The following DNAH12 variants were observed in gnomAD, a reference collection of about 807,000 sequenced individuals.
The protein encoded by DNAH12 is axonemal beta dynein heavy chain 12.
DNAH12 carries 285 observed loss-of-function variants against 371.5 expected under a neutral mutation model. The ratio of observed to expected loss-of-function variants is 0.77; its 90% CI spans 0.70 to 0.85. The LOEUF is 0.85. Ranked by LOEUF, DNAH12 falls within the 40% of genes least tolerant of loss-of-function variation. DNAH12 has a pLI of 0.00. For missense variants in DNAH12, 3,611 were observed against 3,689.4 expected, an observed-to-expected ratio of 0.98 and a Z score of 0.55; for synonymous variants, 1,200 against 1,213.0, an observed-to-expected ratio of 0.99 and a Z score of 0.22.
chr3:57,448,325 C>CT (rs1402970311), intron 25 of DNAH12, among the ~76,000 whole-genome samples: 1 of 152,024 alleles, frequency 6.6e-6, no homozygotes, highest in African/African-American at 2.4e-5. Flanking sequence ...TGTTACAGCT[C>CT]TTAAGGCAGC....
rs1029368107 is a variant in DNAH12 at position 57,302,367 on chromosome 3, A to G, written c.11190-428T>C. 9.2e-5 allele frequency among the ~76,000 whole-genome samples: 14 copies of G among 151,536 alleles called. No individual in the cohort carries two copies. In the East Asian group the frequency reaches 2.7e-3, roughly 29 times the overall value. On this transcript the variant is annotated intron_variant, in intron 69 of 73. Transcript: ENST00000495027. The stretch of plus-strand genomic sequence containing the variant: ...TATATTCATTTATACACTTGCAAAT[A>G]CTTTACTTGCACTTAGGCCCAACTT...
intron 6 of DNAH12, among the ~76,000 whole-genome samples, chr3:57,508,796 C>T (rs1559734838): frequency 6.6e-6 from 1 of 152,176 alleles, no homozygotes; most frequent in Non-Finnish European, 1.5e-5. Flanking sequence ...TCTGAGAGCT[C>T]TGCTAACTTC....
intron 35 of DNAH12, among the ~76,000 whole-genome samples, chr3:57,424,817 G>A (rs1470290328): frequency 6.6e-6 from 1 of 150,862 alleles, no homozygotes; most frequent in Admixed American, 6.6e-5. Context: ...AGATAGTTTT[G>A]GTTCCTTGTG....
chr3:57,362,881 C>G (rs1240820362), intron 58 of DNAH12, among the ~76,000 whole-genome samples: 2 of 152,108 alleles, frequency 1.3e-5, no homozygotes, highest in East Asian at 3.8e-4. Context: ...AATTAGATCC[C>G]ATTTGTCTAT....
At chr3:57,343,605 A>G (rs576878354) in intron 60 of DNAH12, among the ~76,000 whole-genome samples, 31 of 152,318 alleles carry the variant, frequency 2.0e-4, no homozygotes, top group Admixed American at 1.4e-3. Flanking sequence ...GATGAGAAAG[A>G]CCTGACCGTC....
intron 17 of DNAH12, among the ~76,000 whole-genome samples, chr3:57,468,418 T>A (rs2153379607): frequency 6.6e-6 from 1 of 151,044 alleles, no homozygotes; most frequent in South Asian, 2.1e-4. Context: ...AGCACAGGAG[T>A]TTGAGACCAG....
intron 62 of DNAH12, among the ~76,000 whole-genome samples, chr3:57,333,478 GCAC>G (rs2062154881): frequency 6.6e-6 from 1 of 151,756 alleles, no homozygotes; most frequent in Non-Finnish European, 1.5e-5. Context: ...CTACAGGCAT[GCAC>G]CACCATGCCT....
chr3:57,309,899 C>T (rs1464408685), intron 67 of DNAH12, 45 bp from the exon 68 acceptor site: 2 of 1,502,130 alleles, frequency 1.3e-6, no homozygotes, highest in Non-Finnish European at 1.8e-6. Context: ...TCCCTGGATA[C>T]TGAAAGGGAT....
At chr3:57,398,341 T>A (rs934782615) in intron 43 of DNAH12, among the ~76,000 whole-genome samples, 85,182 of 151,214 alleles carry the variant, frequency 0.56, 24,114 homozygotes, top group East Asian at 0.61. Flanking sequence ...TCCCAGAATA[T>A]GAGAGAGAGA....
chr3:57,420,672 G>A (rs2064543594), intron 36 of DNAH12, among the ~76,000 whole-genome samples: 1 of 151,990 alleles, frequency 6.6e-6, no homozygotes, highest in Admixed American at 6.6e-5. Flanking sequence ...CACTTTGGGA[G>A]GCTGAGGTGG....
In DNAH12 at chr3:57,301,872, C is replaced by T; in HGVS notation, c.11257G>A (p.Asp3753Asn). The T allele has an allele frequency of 1.3e-6, 2 of 1,551,608 alleles. No individual in the cohort carries two copies. Among genetic ancestry groups the T allele is most frequent in the Non-Finnish European group, 1.7e-6 (2 of 1,146,982 alleles). Residue 3753 changes from aspartate to asparagine, a missense_variant, in exon 70 of 74, where the codon GAT (aspartate) becomes AAT (asparagine). Physicochemically the swap from Asp to Asn is conservative, Grantham distance 23 (BLOSUM62 1). Coordinates refer to ENST00000495027, the MANE Select transcript of DNAH12 (RefSeq NM_001366028.2). ...EKAIKGVVVM[D>N]SALEALSGSL... ...CCGGAGAGTGCCTCCAATGCAGAATCCATCACAACCACACCCTTAATAGCT... is the reference window on the plus strand; with the variant it reads ...CCGGAGAGTGCCTCCAATGCAGAATTCATCACAACCACACCCTTAATAGCT...
intron 51 of DNAH12, among the ~76,000 whole-genome samples, chr3:57,380,054 TAA>T (rs1428936680): frequency 1.3e-5 from 2 of 152,048 alleles, no homozygotes; most frequent in Non-Finnish European, 2.9e-5. Context: ...AATTATACAC[TAA>T]AAGAGTATCT....
At chr3:57,369,229 AT>A (rs1242704846) in intron 55 of DNAH12, among the ~76,000 whole-genome samples, 89,107 of 131,090 alleles carry the variant, frequency 0.68, 32,160 homozygotes, top group Non-Finnish European at 0.83. Context: ...TAAAAAAAAA[AT>A]ATATATATAT....
chr3:57,323,158 G>C lies in DNAH12; in HGVS notation c.10232C>G (p.Ala3411Gly), dbSNP rs2061846835. The C allele has an allele frequency of 6.4e-7, 1 of 1,552,268 alleles. No homozygotes were observed. The highest frequency in any genetic ancestry group is 2.0e-5 in the Admixed American group (1 of 50,982). ...CACCCAAGTTCCTTCTTCAATTGCT[G>C]CTTTAATCATTTTTGCTGCAATCGG... is the stretch of plus-strand genomic sequence containing the variant. ...QGPIAAKMIK[A>G]AIEEGTWVCL... Residue 3411 changes from alanine (A) to glycine (G), a missense_variant, in exon 64 of 74, where the codon GCA becomes GGA. Physicochemically the swap from Ala to Gly is moderately conservative, Grantham distance 60. Transcript: ENST00000495027.
At chr3:57,543,855 T>G (rs1363061285) in intron 1 of DNAH12, among the ~76,000 whole-genome samples, 1 of 151,672 alleles carries the variant, frequency 6.6e-6, no homozygotes, top group Admixed American at 6.6e-5. Context: ...GAGCCCAGCC[T>G]GGCCAACATG....
At chr3:57,398,350 G>GAC (rs2063787487) in intron 43 of DNAH12, among the ~76,000 whole-genome samples, 1 of 152,138 alleles carries the variant, frequency 6.6e-6, no homozygotes, top group Non-Finnish European at 1.5e-5. Flanking sequence ...ATGAGAGAGA[G>GAC]AAAGAGAGGA....
In DNAH12 at chr3:57,408,467, G is replaced by A. The variant is rs2153354314; in HGVS notation, c.6089C>T (p.Pro2030Leu). 6.4e-7 allele frequency: 1 copy of A among 1,551,474 alleles called. No homozygotes were observed. Among genetic ancestry groups the A allele is most frequent in the South Asian group, 1.2e-5 (1 of 84,024 alleles). ...DIELIAAMGP[P>L]GGGRNPVTPR... Reference sequence around the variant, plus strand: ...AGTAACTGGATTTCTTCCACCACCTGGAGGGCCCATTGCAGCAATCAGCTC... The same window carrying A: ...AGTAACTGGATTTCTTCCACCACCTAGAGGGCCCATTGCAGCAATCAGCTC... The change falls in exon 40 of 74, where the codon CCA becomes CTA. Residue 2030 changes from proline (P) to leucine (L), a missense_variant. Pro to Leu is a moderately conservative substitution (Grantham distance 98). Transcript: ENST00000495027.
At chr3:57,412,766 A>G (rs2064246368) in intron 39 of DNAH12, among the ~76,000 whole-genome samples, 1 of 152,164 alleles carries the variant, frequency 6.6e-6, no homozygotes, top group African/African-American at 2.4e-5. Context: ...GAGTGGCCAA[A>G]ATCTAGAACA....
In DNAH12 at chr3:57,403,312, C is replaced by T. The variant is rs2063927134; in HGVS notation, c.6945G>A (p.Met2315Ile). ...CTAGGCTTCTTCATAATTTTACCTT[C>T]ATATCCTCTCTCCATTCATTCATAC... ...SYGMNEWRED[M>I]KGLLRNVGMK... Residue 2315 changes from methionine to isoleucine, a missense_variant, in exon 43 of 74, where the codon ATG (methionine) becomes ATA (isoleucine). By Grantham distance (10) the Met-to-Ile change is conservative. Around this residue, in one of 3 missense-constraint regions of DNAH12, gnomAD observed 2,266 missense variants for 2,236.9 expected, o/e 1.01. Transcript: ENST00000495027. 2 of 1,540,900 alleles carry T rather than the reference C, an allele frequency of 1.3e-6. No homozygotes were observed. Among genetic ancestry groups the T allele is most frequent in the Admixed American group, 4.1e-5 (2 of 48,198 alleles).
Sources: allele counts gnomAD v4.1 joint callset (sites outside exome capture counted in the v4.1 genomes callset), GRCh38; gene constraint gnomAD v4.1.1; regional missense constraint gnomAD v4.1.1; transcripts MANE v1.5; gene names NCBI Gene and HGNC (gene_info 2026-07-23, HGNC 2026-07-21).